NELL1: variants seen among roughly 807,000 people sequenced by gnomAD.
The protein encoded by NELL1 is protein kinase C-binding protein NELL1.
NELL1 carries 76 observed loss-of-function variants against 107.4 expected under a neutral mutation model. That is an observed-to-expected ratio of 0.71 (90% CI 0.59 to 0.86). The LOEUF is 0.86. NELL1 is among the 40% of genes least tolerant of loss of function. The pLI is 0.00. For missense variants in NELL1, 1,024 were observed against 1,005.5 expected (o/e 1.02, Z -0.25); for synonymous variants, 353 against 341.2 (o/e 1.03, Z -0.38).
At chr11:20,829,288 G>T in intron 3 of NELL1, among the ~76,000 whole-genome samples, 1 of 143,200 alleles carries the variant, frequency 7.0e-6, no homozygotes. Context: ...GTGCAGTGGT[G>T]CAATCGCGGC....
chr11:20,669,803 G>A lies in NELL1; in HGVS notation c.55+25G>A. 6.2e-7 allele frequency: 1 copy of A among 1,605,452 alleles called. No individual in the cohort carries two copies. The stretch of plus-strand genomic sequence containing the variant: ...GGTAAGCATGACTGTGGCGGTTAGA[G>A]GGATCCGGGAAATGGGGGTGCCCAC... On this transcript the variant is annotated intron_variant, in intron 1 of 19. Transcript: ENST00000357134. The surrounding 1 kb of genome is among the most constrained non-coding windows in gnomAD (Gnocchi z 4.4).
chr11:20,879,039 G>T (rs1849359261), intron 4 of NELL1, among the ~76,000 whole-genome samples: 2 of 152,128 alleles, frequency 1.3e-5, no homozygotes, highest in Admixed American at 6.5e-5. Context: ...GGAATGCTGT[G>T]GTCAGTGTTC....
At chr11:20,719,592 G>A (rs992718484) in intron 2 of NELL1, among the ~76,000 whole-genome samples, 1 of 152,090 alleles carries the variant, frequency 6.6e-6, no homozygotes, top group Non-Finnish European at 1.5e-5. Flanking sequence ...CAGATCTCTA[G>A]TTCATTGTTT....
chr11:21,320,808 C>T (rs892085734), intron 14 of NELL1, among the ~76,000 whole-genome samples: 3 of 152,054 alleles, frequency 2.0e-5, no homozygotes, highest in African/African-American at 7.2e-5. Context: ...GGATGAGACC[C>T]CTGAAATATG....
intron 17 of NELL1, among the ~76,000 whole-genome samples, chr11:21,565,236 G>C (rs937642857): frequency 2.0e-5 from 3 of 151,982 alleles, no homozygotes; most frequent in African/African-American, 7.2e-5. Context: ...GGAACTTATT[G>C]GTAGGTTTCA....
chr11:21,403,312 A>C lies in NELL1; in HGVS notation c.1645+32364A>C, dbSNP rs181457883. On this transcript the variant is annotated intron_variant, in intron 15 of 19. Coordinates refer to ENST00000357134, the MANE Select transcript of NELL1 (RefSeq NM_006157.5). ...TACCTGTGTCAGTGCTGGGAAGCTC[A>C]TAGACCAAACCTTCAGGGACTCTTA... 3.2e-3 allele frequency among the ~76,000 whole-genome samples: 491 copies of C among 151,816 alleles called. 3 individuals carry two copies. The highest frequency in any genetic ancestry group is 4.9e-3 in the Admixed American group (75 of 15,242).
At chr11:21,279,958 G>A (rs567436953) in intron 14 of NELL1, among the ~76,000 whole-genome samples, 1 of 152,168 alleles carries the variant, frequency 6.6e-6, no homozygotes, top group African/African-American at 2.4e-5. Context: ...GACAGAAGCC[G>A]ATCTGCAAAT....
chr11:21,016,454 C>A (rs948345441), intron 12 of NELL1, among the ~76,000 whole-genome samples: 2 of 152,070 alleles, frequency 1.3e-5, no homozygotes, highest in African/African-American at 2.4e-5. Flanking sequence ...AGTTCCACCA[C>A]CTTTCTAGTC....
intron 14 of NELL1, among the ~76,000 whole-genome samples, chr11:21,264,400 G>A (rs1024047914): frequency 2.0e-5 from 3 of 151,852 alleles, no homozygotes; most frequent in African/African-American, 7.3e-5. Context: ...CCCAGTGGAG[G>A]CCATGTTGTA....
chr11:21,348,467 A>T (rs1850732765), intron 14 of NELL1, among the ~76,000 whole-genome samples: 1 of 152,306 alleles, frequency 6.6e-6, no homozygotes, highest in African/African-American at 2.4e-5. Flanking sequence ...TAATTTTAAT[A>T]AAATGTGTCT....
intron 5 of NELL1, among the ~76,000 whole-genome samples, chr11:20,914,125 G>T (rs1426769421): frequency 1.3e-5 from 2 of 152,056 alleles, no homozygotes; most frequent in African/African-American, 4.8e-5. Context: ...AGTGTTAATC[G>T]AAAAGTGTCT....
intron 14 of NELL1, among the ~76,000 whole-genome samples, chr11:21,360,264 G>A (rs59348330): frequency 0.061 from 9,242 of 152,102 alleles, 375 homozygotes; most frequent in African/African-American, 0.11. Flanking sequence ...TAATTCAAGA[G>A]CAGATTATTT....
chr11:21,440,531 G>T (rs1322778908), intron 15 of NELL1, among the ~76,000 whole-genome samples: 1 of 152,154 alleles, frequency 6.6e-6, no homozygotes, highest in Non-Finnish European at 1.5e-5. Context: ...ATCCAAGAAA[G>T]AAACAATGTC....
chr11:21,105,734 T>G (rs992927847), intron 12 of NELL1, among the ~76,000 whole-genome samples: 2 of 151,684 alleles, frequency 1.3e-5, no homozygotes, highest in Middle Eastern at 3.2e-3. Context: ...CCTCACTATC[T>G]GCCTAAATAA....
intron 15 of NELL1, among the ~76,000 whole-genome samples, chr11:21,427,521 C>T (rs1852854511): frequency 6.6e-6 from 1 of 152,098 alleles, no homozygotes; most frequent in Non-Finnish European, 1.5e-5. Flanking sequence ...GGGAATATAA[C>T]AATTAAACAT....
intron 14 of NELL1, among the ~76,000 whole-genome samples, chr11:21,278,819 A>G (rs1165046790): frequency 6.6e-6 from 1 of 152,182 alleles, no homozygotes; most frequent in Non-Finnish European, 1.5e-5. Flanking sequence ...GACTCAGAAT[A>G]ACCAACAGAG....
At chr11:21,404,864 G>A (rs1393089054) in intron 15 of NELL1, among the ~76,000 whole-genome samples, 2 of 151,976 alleles carry the variant, frequency 1.3e-5, no homozygotes, top group East Asian at 2.0e-4. Flanking sequence ...GTGGTCCCAA[G>A]GGGATCAGAC....
intron 15 of NELL1, among the ~76,000 whole-genome samples, chr11:21,439,233 G>A (rs948283025): frequency 1.3e-5 from 2 of 152,134 alleles, no homozygotes; most frequent in East Asian, 3.9e-4. Flanking sequence ...TACACAGGTA[G>A]TAAGATGCTA....
chr11:21,551,462 G>C (rs1856581244), intron 16 of NELL1, among the ~76,000 whole-genome samples: 1 of 152,002 alleles, frequency 6.6e-6, no homozygotes, highest in Admixed American at 6.6e-5. Context: ...CATTCAGTAT[G>C]ATATTGGCTG....
Sources: gnomAD v4.1 joint callset for allele counts (sites outside exome capture counted in the v4.1 genomes callset) on GRCh38, gnomAD v4.1.1 for gene constraint, Gnocchi (gnomAD v3.1) non-coding constraint, MANE v1.5 for transcripts, NCBI Gene and HGNC (gene_info 2026-07-23, HGNC 2026-07-21) for gene names.